ATL2: variants seen among roughly 807,000 people sequenced by gnomAD.
ATL2 encodes atlastin GTPase 2.
A neutral mutation model predicts 73.9 loss-of-function variants in ATL2; 31 were observed. The observed-to-expected ratio is 0.42, with a 90% CI of 0.32 to 0.57. The LOEUF is 0.57. Ranked by LOEUF, ATL2 falls within the 20% of genes least tolerant of loss-of-function variation. The pLI is 0.14. For missense variants in ATL2, 738 were observed against 702.6 expected, an observed-to-expected ratio of 1.05 and a Z score of -0.57; for synonymous variants, 291 against 237.5, an observed-to-expected ratio of 1.23 and a Z score of -2.07.
chr2:38,313,172 T>C lies in ATL2; in HGVS notation c.783A>G (p.Gln261=), dbSNP rs1667850187. Residue 261 remains glutamine, a synonymous_variant, in exon 7 of 13, where the codon CAA becomes CAG. Coordinates refer to ENST00000378954, the MANE Select transcript of ATL2 (RefSeq NM_001135673.4). The part of the protein sequence containing the change: ...EHSYGLEGGK[Q]FLEKRLQVKQ... ...TTACCTGTAATCTCTTTTCAAGAAA[T>C]TGCTTTCCACCTTCCAAACCATATG... 1.9e-6 allele frequency: 3 copies of C among 1,612,582 alleles called. No individual in the cohort carries two copies. Among genetic ancestry groups the C allele is most frequent in the South Asian group, 1.1e-5 (1 of 90,830 alleles).
At chr2:38,299,866 T>G (rs1209718614) in intron 10 of ATL2, among the ~76,000 whole-genome samples, 1 of 152,210 alleles carries the variant, frequency 6.6e-6, no homozygotes, top group South Asian at 2.1e-4. Context: ...GAAGTGAGAC[T>G]ATATTCACTA....
At chr2:38,298,805 A>G (rs1310347985) in intron 11 of ATL2, among the ~76,000 whole-genome samples, 1 of 152,214 alleles carries the variant, frequency 6.6e-6, no homozygotes, top group African/African-American at 2.4e-5. Flanking sequence ...AAGACAAAAA[A>G]ATTTTACACT....
intron 1 of ATL2, among the ~76,000 whole-genome samples, chr2:38,368,030 G>A (rs964693983): frequency 6.6e-6 from 1 of 151,420 alleles, no homozygotes; most frequent in African/African-American, 2.4e-5. Flanking sequence ...CACCTTCCGG[G>A]TTCACACCAT....
intron 4 of ATL2, among the ~76,000 whole-genome samples, chr2:38,315,591 G>C (rs1667988690): frequency 2.0e-5 from 3 of 152,102 alleles, no homozygotes; most frequent in African/African-American, 7.2e-5. Context: ...TGGCCTAAAA[G>C]TGGTAGAAGA....
At chr2:38,371,819 C>A (rs1457472927) in intron 1 of ATL2, among the ~76,000 whole-genome samples, 1 of 151,932 alleles carries the variant, frequency 6.6e-6, no homozygotes, top group Admixed American at 6.6e-5. Flanking sequence ...ATCGCTTGAA[C>A]CCACGAGGTG....
At chr2:38,342,146 C>CAA (rs1381504539) in intron 2 of ATL2, among the ~76,000 whole-genome samples, 1 of 151,256 alleles carries the variant, frequency 6.6e-6, no homozygotes, top group African/African-American at 2.4e-5. Context: ...GAGAGAAAGT[C>CAA]AGAGTCAGGG....
intron 2 of ATL2, among the ~76,000 whole-genome samples, chr2:38,325,906 TAAAAAAAAAAAAA>T (rs761254087): frequency 1.9e-5 from 1 of 52,028 alleles, no homozygotes; most frequent in East Asian, 3.3e-4. Flanking sequence ...TTTGTTTGTT[TAAAAAAAAAAAAA>T]AAAAAAAAAA....
intron 2 of ATL2, among the ~76,000 whole-genome samples, chr2:38,340,485 C>G (rs1404813147): frequency 1.3e-5 from 2 of 152,116 alleles, no homozygotes; most frequent in Admixed American, 6.5e-5. Flanking sequence ...CACACCATAA[C>G]CATACCCACC....
At chr2:38,324,041 C>T (rs1668467768) in intron 2 of ATL2, among the ~76,000 whole-genome samples, 1 of 152,168 alleles carries the variant, frequency 6.6e-6, no homozygotes, top group Admixed American at 6.5e-5. Flanking sequence ...TTTGGGAAGC[C>T]GAGGCGGGCG....
rs190677751 is a variant in ATL2 at position 38,334,081 on chromosome 2, A to C, written c.363+9187T>G. ...GTCTCACTCTGTCACCCAGGCTGGAATACAGTGGCATGGTCTCAGCTCACT... is the reference window on the plus strand; with the variant it reads ...GTCTCACTCTGTCACCCAGGCTGGACTACAGTGGCATGGTCTCAGCTCACT... On this transcript the variant is annotated intron_variant, in intron 2 of 12. Transcript: ENST00000378954. Among the ~76,000 whole-genome samples the C allele has an allele frequency of 1.2e-3, 176 of 141,394 alleles. 1 individual carries two copies. Among genetic ancestry groups the C allele is most frequent in the African/African-American group, 4.8e-3 (173 of 35,816 alleles). 92.8% of individuals were successfully genotyped at this position (141,394 alleles called of 152,430 possible). A position where few individuals can be genotyped will look rare whatever the true frequency, so the allele number is the denominator to read the frequency against.
chr2:38,307,741 T>A (rs1667530178), intron 9 of ATL2, among the ~76,000 whole-genome samples: 1 of 150,442 alleles, frequency 6.6e-6, no homozygotes, highest in Admixed American at 6.6e-5. Flanking sequence ...ATATAAGGAG[T>A]TCAAACAACT....
intron 5 of ATL2, among the ~76,000 whole-genome samples, chr2:38,314,958 T>C (rs1483429390): frequency 1.3e-5 from 2 of 152,192 alleles, no homozygotes; most frequent in African/African-American, 2.4e-5. Context: ...CTTTAAGAAA[T>C]ATGTGCTCGC....
chr2:38,367,778 G>A (rs1166449773), intron 1 of ATL2, among the ~76,000 whole-genome samples: 12 of 150,572 alleles, frequency 8.0e-5, no homozygotes, highest in Non-Finnish European at 1.5e-4. Flanking sequence ...GATTACAGGC[G>A]CTTGCCACCA....
At position 38,343,472 on chromosome 2, in the gene ATL2, C is replaced by G. The variant is rs1249188745; in HGVS notation, c.159G>C (p.Glu53Asp). The G allele has an allele frequency of 6.2e-7, 1 of 1,608,920 alleles. No individual in the cohort carries two copies. The highest frequency in any genetic ancestry group is 8.5e-7 in the Non-Finnish European group (1 of 1,177,120). The change falls in exon 2 of 13, where the codon GAG becomes GAC. Residue 53 changes from glutamate to aspartate, a missense_variant. By Grantham distance (45) the Glu-to-Asp change is conservative. Transcript: ENST00000378954. ...YEDDDLVNSD[E>D]VMKKPCPVQI... ...GTACTGGACATGGTTTCTTCATAAC[C>G]TCATCAGAATTTACTAGGTCATCAT...
chr2:38,345,326 T>C (rs1177867540), intron 1 of ATL2, among the ~76,000 whole-genome samples: 1 of 152,216 alleles, frequency 6.6e-6, no homozygotes, highest in Admixed American at 6.5e-5. Context: ...CTTATCCACA[T>C]AACCAATATT....
At position 38,335,767 on chromosome 2, in the gene ATL2, C is replaced by T. The variant is rs367560385; in HGVS notation, c.363+7501G>A. ...AATAAAAAATAAATAATAGGCCGGG[C>T]GCGGTGGCTCACGCCTGTAATCCCA... On this transcript the variant is annotated intron_variant, in intron 2 of 12. Transcript: ENST00000378954. Among the ~76,000 whole-genome samples, 224 of 152,202 alleles carry T rather than the reference C, an allele frequency of 1.5e-3. 2 individuals are homozygous for T. Among genetic ancestry groups the T allele is most frequent in the African/African-American group, 4.4e-3 (181 of 41,522 alleles).
chr2:38,371,872 G>A (rs561034102), intron 1 of ATL2, among the ~76,000 whole-genome samples: 6 of 152,254 alleles, frequency 3.9e-5, no homozygotes, highest in Admixed American at 3.9e-4. Context: ...ACTCCAGCCT[G>A]GGTGACAGAG....
At chr2:38,371,723 C>T (rs1671699876) in intron 1 of ATL2, among the ~76,000 whole-genome samples, 3 of 152,090 alleles carry the variant, frequency 2.0e-5, no homozygotes, top group Middle Eastern at 6.8e-3. Flanking sequence ...CATGGTGAAA[C>T]CCTGTCTCTA....
chr2:38,377,060 G>A (rs1488017254), intron 1 of ATL2, 83 bp downstream of exon 1: 2 of 1,350,568 alleles, frequency 1.5e-6, no homozygotes, highest in East Asian at 2.7e-5. Flanking sequence ...CGACCCCGCC[G>A]CCTGCGGCCG....
Sources: allele counts gnomAD v4.1 joint callset (sites outside exome capture counted in the v4.1 genomes callset), GRCh38; gene constraint gnomAD v4.1.1; transcripts MANE v1.5; gene names NCBI Gene and HGNC (gene_info 2026-07-23, HGNC 2026-07-21).